The following TLN2 variants were observed in gnomAD, a reference collection of about 807,000 sequenced individuals.
TLN2 encodes talin 2.
A neutral mutation model predicts 294.7 loss-of-function variants in TLN2; 118 were observed. The observed-to-expected ratio is 0.40, with a 90% confidence interval of 0.34 to 0.47. The LOEUF is 0.47. Among genes scored for constraint, TLN2 ranks in the 20% least tolerant of loss-of-function variants. TLN2 has a pLI of 0.84. For synonymous variants in TLN2, 1,431 were observed against 1,304.5 expected (o/e 1.10, Z -2.09); for missense variants, 3,083 against 3,282.2 (o/e 0.94, Z 1.48).
intron 28 of TLN2, among the ~76,000 whole-genome samples, chr15:62,730,705 T>A (rs2060676925): frequency 6.6e-6 from 1 of 152,212 alleles, no homozygotes; most frequent in Non-Finnish European, 1.5e-5. Context: ...ATTTCTGTTG[T>A]GAAGCTATGA....
intron 1 of TLN2, among the ~76,000 whole-genome samples, chr15:62,551,989 C>T (rs1195577766): frequency 6.6e-6 from 1 of 152,200 alleles, no homozygotes; most frequent in African/African-American, 2.4e-5. Flanking sequence ...AAAGACAAAA[C>T]ATTGACTTTA....
chr15:62,405,574 A>C (rs1229547288), intron 1 of TLN2, among the ~76,000 whole-genome samples: 1 of 152,166 alleles, frequency 6.6e-6, no homozygotes, highest in Non-Finnish European at 1.5e-5. Flanking sequence ...GTTTTGTCCT[A>C]CTTAGGTGAG....
intron 6 of TLN2, 57 bp from the exon 7 acceptor site, chr15:62,653,105 G>C: frequency 1.4e-6 from 2 of 1,410,336 alleles, no homozygotes; most frequent in Non-Finnish European, 1.9e-6. Context: ...CCTTAGGCTG[G>C]AAGAGGTTGA....
Position 62,689,877 on chromosome 15 carries a change from T to TTTTTTTTTTTTTTTTTTTTTTTA in TLN2, c.1114-2963_1114-2962insTTTTTTTTTTTTTTTTTTTTTTA, listed in dbSNP as rs71131119. On this transcript the variant is annotated intron_variant, in intron 12 of 58. Coordinates refer to ENST00000636159, the MANE Select transcript of TLN2 (RefSeq NM_015059.3). Reference sequence around the variant, plus strand: ...TTTTTTTTTTTTTTTTTTTTTTTTTTATTGGCTGACCCCCCTTCCTCCCTC... The same window carrying TTTTTTTTTTTTTTTTTTTTTTTA: ...TTTTTTTTTTTTTTTTTTTTTTTTTTTTTTTTTTTTTTTTTTTTTTTTAATTGGCTGACCCCCCTTCCTCCCTC... Among the ~76,000 whole-genome samples, 23 of 9,848 alleles carry TTTTTTTTTTTTTTTTTTTTTTTA rather than the reference T, an allele frequency of 2.3e-3. 11 individuals are homozygous for TTTTTTTTTTTTTTTTTTTTTTTA. The highest frequency in any genetic ancestry group is 5.8e-3 in the Non-Finnish European group (20 of 3,428). The allele number at this position is 9,848 out of a possible 152,430, so 6.5% of individuals were successfully genotyped here.
chr15:62,831,126 C>T (rs546342577), intron 54 of TLN2: 4 of 151,464 alleles, frequency 2.6e-5, no homozygotes, highest in Non-Finnish European at 5.9e-5. Context: ...ATCAGATCTA[C>T]CCCTGCTAAA....
chr15:62,829,519 A>G (rs1416164451), intron 54 of TLN2: 1 of 152,094 alleles, frequency 6.6e-6, no homozygotes, highest in Non-Finnish European at 1.5e-5. Flanking sequence ...TGTGGGGATT[A>G]TGGGAGCTAC....
intron 3 of TLN2, among the ~76,000 whole-genome samples, chr15:62,620,923 C>T (rs1435329442): frequency 6.8e-6 from 1 of 147,828 alleles, no homozygotes; most frequent in African/African-American, 2.5e-5. Flanking sequence ...ACTGCAAGCT[C>T]CACCTCCCGG....
intron 15 of TLN2, 105 bp from the exon 16 acceptor site, chr15:62,698,649 C>A: frequency 1.2e-6 from 1 of 853,756 alleles, no homozygotes; most frequent in South Asian, 1.5e-5. Context: ...GTAGCCTGGG[C>A]TGCTTTGTCT....
chr15:62,548,849 A>C (rs1458241677), intron 1 of TLN2, among the ~76,000 whole-genome samples: 55 of 152,282 alleles, frequency 3.6e-4, no homozygotes, highest in Non-Finnish European at 5.9e-5. Context: ...CAACAAAAAT[A>C]ATGTCGACTC....
intron 1 of TLN2, among the ~76,000 whole-genome samples, chr15:62,568,269 A>T (rs1192136084): frequency 8.6e-5 from 13 of 151,996 alleles, no homozygotes; most frequent in African/African-American, 3.1e-4. Flanking sequence ...GGTAGAGTGG[A>T]GCCCGAGCAG....
intron 2 of TLN2, among the ~76,000 whole-genome samples, chr15:62,609,067 C>T (rs1322917199): frequency 2.6e-5 from 4 of 151,904 alleles, no homozygotes; most frequent in African/African-American, 9.7e-5. Flanking sequence ...GGTGGGGTTA[C>T]GTTAGGGATA....
In TLN2 at chr15:62,414,164, C is replaced by CTATATATATATATA. The variant is rs780803268; in HGVS notation, c.-238+23494_-238+23507dup. On this transcript the variant is annotated intron_variant, in intron 1 of 58. Coordinates refer to ENST00000636159, the MANE Select transcript of TLN2 (RefSeq NM_015059.3). Reference sequence around the variant, plus strand: ...AGTGAAGTGTTAGCAAAAAAAAAAACTATATATATATATATATATATATAT... The same window carrying CTATATATATATATA: ...AGTGAAGTGTTAGCAAAAAAAAAAACTATATATATATATATATATATATATATATATATATATAT... Among the ~76,000 whole-genome samples the CTATATATATATATA allele has an allele frequency of 3.8e-3, 347 of 90,606 alleles. 13 individuals carry two copies. The highest frequency in any genetic ancestry group is 6.1e-3 in the Non-Finnish European group (292 of 48,164). The allele number at this position is 90,606 out of a possible 152,430, so 59.4% of individuals were successfully genotyped here. A position where few individuals can be genotyped will look rare whatever the true frequency, so the allele number is the denominator to read the frequency against.
chr15:62,643,561 A>G (rs2051429282), intron 3 of TLN2, among the ~76,000 whole-genome samples: 1 of 151,922 alleles, frequency 6.6e-6, no homozygotes, highest in Admixed American at 6.6e-5. Flanking sequence ...ACCTACCCTG[A>G]ACTACCCTCC....
At chr15:62,450,758 A>G (rs1297110732) in intron 1 of TLN2, among the ~76,000 whole-genome samples, 1 of 151,942 alleles carries the variant, frequency 6.6e-6, no homozygotes, top group Non-Finnish European at 1.5e-5. Context: ...TTTTTTAGAG[A>G]TGAGATCTTG....
intron 1 of TLN2, among the ~76,000 whole-genome samples, chr15:62,440,313 A>C (rs1460296912): frequency 1.3e-5 from 2 of 152,148 alleles, no homozygotes; most frequent in Non-Finnish European, 2.9e-5. Context: ...TTACCTCTTT[A>C]AACTCCTTGC....
intron 30 of TLN2, 31 bp downstream of exon 30, chr15:62,738,364 TG>T: frequency 6.2e-7 from 1 of 1,612,532 alleles, no homozygotes; most frequent in South Asian, 1.1e-5. Flanking sequence ...GAAAGGACAC[TG>T]GGGGACTAGG....
chr15:62,543,256 A>G (rs1270917451), intron 1 of TLN2, among the ~76,000 whole-genome samples: 1 of 152,152 alleles, frequency 6.6e-6, no homozygotes, highest in Admixed American at 6.5e-5. Flanking sequence ...CACATCATCA[A>G]ATTGTTCAGA....
chr15:62,608,774 C>T lies in TLN2; in HGVS notation c.-161-9577C>T, dbSNP rs540429502. Reference sequence around the variant, plus strand: ...TAAGGGGTGCAAGGGAGAGATCTGGCTTCTGTGCAGAACTGGTGAATGCAA... The same window carrying T: ...TAAGGGGTGCAAGGGAGAGATCTGGTTTCTGTGCAGAACTGGTGAATGCAA... On this transcript the variant is annotated intron_variant, in intron 2 of 58. Coordinates refer to ENST00000636159, the MANE Select transcript of TLN2 (RefSeq NM_015059.3). 7.9e-5 allele frequency among the ~76,000 whole-genome samples: 12 copies of T among 152,126 alleles called. 1 individual carries two copies. The South Asian group carries it at 2.5e-3, about 32-fold the overall frequency.
chr15:62,773,859 G>T (rs1379154383), intron 42 of TLN2, among the ~76,000 whole-genome samples: 1 of 152,148 alleles, frequency 6.6e-6, no homozygotes, highest in East Asian at 1.9e-4. Flanking sequence ...TAATGTGCCT[G>T]ACATAGTAGA....
Sources: gnomAD v4.1 joint callset for allele counts (sites outside exome capture counted in the v4.1 genomes callset) on GRCh38, gnomAD v4.1.1 for gene constraint, MANE v1.5 for transcripts, NCBI Gene and HGNC (gene_info 2026-07-23, HGNC 2026-07-21) for gene names.